The following OPA1 variants were observed in gnomAD, a reference collection of about 807,000 sequenced individuals.
The protein encoded by OPA1 is OPA1 mitochondrial dynamin like GTPase.
In OPA1, 59 loss-of-function variants were observed where a neutral mutation model predicts 152.9. The ratio of observed to expected loss-of-function variants is 0.39; its 90% CI spans 0.31 to 0.48. The LOEUF is 0.48. OPA1 is among the 20% of genes least tolerant of loss of function. The pLI, the probability that OPA1 is intolerant of heterozygous loss-of-function variation, is 0.96. For missense variants in OPA1, 1,008 were observed against 1,216.8 expected, an observed-to-expected ratio of 0.83 and a Z score of 2.55; for synonymous variants, 400 against 389.9, an observed-to-expected ratio of 1.03 and a Z score of -0.31.
chr3:193,618,850 T>C lies in OPA1; in HGVS notation c.611-19T>C, dbSNP rs3772393. The C allele has an allele frequency of 0.43, 683,746 of 1,593,068 alleles. 149,138 individuals are homozygous for C. Among genetic ancestry groups the C allele is most frequent in the Non-Finnish European group, 0.43 (504,824 of 1,161,160 alleles). Reference sequence around the variant, plus strand: ...TGACATCACTGGAGAATGTAAAGGGTTGCATATTTATCTTTAAGGTTCTCC... The same window carrying C: ...TGACATCACTGGAGAATGTAAAGGGCTGCATATTTATCTTTAAGGTTCTCC... On this transcript the variant is annotated intron_variant, in intron 5 of 30. Transcript: ENST00000361510.
chr3:193,669,387 G>A (rs755048168), intron 29 of OPA1, among the ~76,000 whole-genome samples: 2 of 152,016 alleles, frequency 1.3e-5, no homozygotes, highest in Non-Finnish European at 2.9e-5. Context: ...ATGCCACCTT[G>A]GCAATGTAGT....
intron 1 of OPA1, among the ~76,000 whole-genome samples, chr3:193,611,256 A>G (rs1315772672): frequency 6.6e-6 from 1 of 152,206 alleles, no homozygotes; most frequent in Non-Finnish European, 1.5e-5. Context: ...TTGAAGGGGC[A>G]TAAGCTTATT....
intron 10 of OPA1, among the ~76,000 whole-genome samples, chr3:193,637,748 A>G (rs1733168650): frequency 6.6e-6 from 1 of 152,204 alleles, no homozygotes; most frequent in Non-Finnish European, 1.5e-5. Flanking sequence ...TAGGCTATAA[A>G]CAGTGGATCC....
chr3:193,644,994 CTT>C (rs77645504), intron 16 of OPA1, among the ~76,000 whole-genome samples: 6 of 140,828 alleles, frequency 4.3e-5, no homozygotes, highest in Non-Finnish European at 3.1e-5. Context: ...GGTACATAGT[CTT>C]TTTTTTTTTT....
Position 193,642,862 on chromosome 3 carries a change from T to C in OPA1, c.1230+17T>C. The C allele has an allele frequency of 6.3e-7, 1 of 1,585,496 alleles. No homozygotes were observed. The highest frequency in any genetic ancestry group is 8.7e-7 in the Non-Finnish European group (1 of 1,154,060). On this transcript the variant is annotated intron_variant, in intron 12 of 30. Coordinates refer to ENST00000361510, the MANE Select transcript of OPA1 (RefSeq NM_130837.3). ...GAAGAAGATGTAAGTAAAATTCATC[T>C]AAGGTTGATATGTGTAATTTTATAA...
At chr3:193,649,002 T>C in intron 21 of OPA1, 131 bp downstream of exon 21, 1 of 639,200 alleles carries the variant, frequency 1.6e-6, no homozygotes, top group African/African-American at 1.8e-5. Context: ...TAATAGTATA[T>C]TTTTTTGGCA....
chr3:193,646,975 T>G (rs1289360135), intron 18 of OPA1, 90 bp from the exon 19 acceptor site: 13 of 796,838 alleles, frequency 1.6e-5, no homozygotes. Flanking sequence ...AGAGTGGCTG[T>G]TAGCAAGCAC....
intron 30 of OPA1, among the ~76,000 whole-genome samples, chr3:193,693,287 A>C (rs934131754): frequency 7.9e-5 from 12 of 152,238 alleles, no homozygotes; most frequent in South Asian, 4.1e-4. Flanking sequence ...GGAGGAGAGA[A>C]ACAAGACCTA....
intron 26 of OPA1, among the ~76,000 whole-genome samples, chr3:193,664,132 A>T (rs1715959662): frequency 6.6e-6 from 1 of 152,076 alleles, no homozygotes; most frequent in Non-Finnish European, 1.5e-5. Flanking sequence ...CAGGTTTTTT[A>T]AGTGACAGTT....
chr3:193,643,882 A>G (rs1479546698), intron 15 of OPA1, 93 bp from the exon 16 acceptor site: 3 of 1,320,960 alleles, frequency 2.3e-6, no homozygotes, highest in Non-Finnish European at 3.2e-6. Flanking sequence ...CTTTCTTGCT[A>G]TAATGTAGAC....
At chr3:193,669,939 T>C (rs1165996476) in intron 29 of OPA1, among the ~76,000 whole-genome samples, 1 of 152,202 alleles carries the variant, frequency 6.6e-6, no homozygotes, top group African/African-American at 2.4e-5. Flanking sequence ...TTTGTACATA[T>C]AAAATTATAA....
intron 29 of OPA1, among the ~76,000 whole-genome samples, chr3:193,677,110 A>T (rs1431687680): frequency 1.3e-5 from 2 of 151,872 alleles, no homozygotes; most frequent in African/African-American, 4.8e-5. Context: ...TAGCAAGTAT[A>T]TTCTTTTGCT....
intron 7 of OPA1, chr3:193,627,112 A>G (rs961148600): frequency 3.9e-5 from 6 of 152,210 alleles, no homozygotes; most frequent in African/African-American, 1.2e-4. Flanking sequence ...TCAGTCATGT[A>G]ATTCTTGTAC....
Position 193,617,305 on chromosome 3 carries a change from A to G in OPA1, c.556+20A>G, listed in dbSNP as rs1373198810. 6 of 1,434,326 alleles carry G rather than the reference A, an allele frequency of 4.2e-6. No individual in the cohort carries two copies. 88.8% of individuals were successfully genotyped at this position (1,434,326 alleles called of 1,614,324 possible). On this transcript the variant is annotated intron_variant, in intron 4 of 30. Transcript: ENST00000361510. The stretch of plus-strand genomic sequence containing the variant: ...CCTCAGGTAAGGAAGAAGCTGTTTG[A>G]TCTAATTTAAAAATTTAAGAACCAT...
chr3:193,678,672 C>A (rs1719592602), intron 29 of OPA1, among the ~76,000 whole-genome samples: 1 of 152,098 alleles, frequency 6.6e-6, no homozygotes, highest in South Asian at 2.1e-4. Context: ...GTACCCATTA[C>A]TTTATATAGT....
In OPA1 at chr3:193,593,325, C is replaced by T; in HGVS notation, c.-53C>T. 6.5e-7 allele frequency: 1 copy of T among 1,528,916 alleles called. No individual in the cohort carries two copies. Among genetic ancestry groups the T allele is most frequent in the Non-Finnish European group, 8.8e-7 (1 of 1,135,580 alleles). 94.7% of individuals were successfully genotyped at this position (1,528,916 alleles called of 1,614,324 possible). On this transcript the variant is annotated 5_prime_UTR_variant, in exon 1 of 31. The change creates a new upstream start codon in the 5' untranslated region. Coordinates refer to ENST00000361510, the MANE Select transcript of OPA1 (RefSeq NM_130837.3). ...ACCGGGAGCCGGGCTGGGGCTCACA[C>T]GGGGGCTCCCGCGTGGCCGTCTCGG...
At chr3:193,643,916 T>G in intron 15 of OPA1, 59 bp from the exon 16 acceptor site, 1 of 1,569,482 alleles carries the variant, frequency 6.4e-7, no homozygotes, top group Non-Finnish European at 8.7e-7. Context: ...TTGTACTGAG[T>G]TTTAAAAGTC....
intron 1 of OPA1, among the ~76,000 whole-genome samples, chr3:193,609,743 ATTC>A (rs983384820): frequency 2.0e-5 from 3 of 152,074 alleles, no homozygotes; most frequent in African/African-American, 7.2e-5. Context: ...GTTTCTTTTT[ATTC>A]TTTTTTCTCT....
intron 5 of OPA1, chr3:193,618,643 TGTTAG>T: frequency 2.0e-6 from 1 of 510,206 alleles, no homozygotes; most frequent in African/African-American, 1.9e-5. Context: ...TATTTTTAAT[TGTTAG>T]GTTAAACATA....
Sources: gnomAD v4.1 joint callset for allele counts (sites outside exome capture counted in the v4.1 genomes callset) on GRCh38, gnomAD v4.1.1 for gene constraint, MANE v1.5 for transcripts, NCBI Gene and HGNC (gene_info 2026-07-23, HGNC 2026-07-21) for gene names.